Variants in SLC14A2 observed in about 807,000 individuals in gnomAD.
The protein encoded by SLC14A2 is urea transporter 2.
In SLC14A2, 91 loss-of-function variants were observed where a neutral mutation model predicts 104.6. That is an observed-to-expected ratio of 0.87 (90% confidence interval 0.73 to 1.04). The LOEUF is 1.04. SLC14A2 is among the 50% of genes least tolerant of loss of function. The probability of loss-of-function intolerance (pLI) is 0.00; values close to 1 mark genes in which losing one functional copy is unlikely to be tolerated. For synonymous variants in SLC14A2, 476 were observed against 466.4 expected, an observed-to-expected ratio of 1.02 and a Z score of -0.27; for missense variants, 1,189 against 1,156.0, an observed-to-expected ratio of 1.03 and a Z score of -0.41.
intron 1 of SLC14A2, among the ~76,000 whole-genome samples, chr18:45,459,619 C>G (rs900723239): frequency 6.6e-6 from 1 of 152,200 alleles, no homozygotes; most frequent in Non-Finnish European, 1.5e-5. Context: ...CTGCTATTCC[C>G]GGGGCCTCGC....
At chr18:45,489,759 A>T (rs745727949) in intron 2 of SLC14A2, 1 of 152,224 alleles carries the variant, frequency 6.6e-6, no homozygotes, top group Non-Finnish European at 1.5e-5. Context: ...GACAGAAAGG[A>T]GTGTCACAAA....
At chr18:45,480,857 A>AT (rs1288796010) in intron 1 of SLC14A2, among the ~76,000 whole-genome samples, 1 of 152,166 alleles carries the variant, frequency 6.6e-6, no homozygotes, top group Non-Finnish European at 1.5e-5. Flanking sequence ...TTAATGCTTA[A>AT]TTTTTAAAAA....
At chr18:45,380,087 C>A (rs868136769) in intron 1 of SLC14A2, among the ~76,000 whole-genome samples, 4 of 152,294 alleles carry the variant, frequency 2.6e-5, no homozygotes, top group East Asian at 1.9e-4. Flanking sequence ...ACCCTAGTAC[C>A]TTTTAACTAT....
chr18:45,554,294 G>A (rs562089623), intron 2 of SLC14A2, among the ~76,000 whole-genome samples: 1 of 152,284 alleles, frequency 6.6e-6, no homozygotes, highest in East Asian at 1.9e-4. Context: ...AAGGGAGTTG[G>A]GGGGAAGAAG....
At chr18:45,625,643 A>G in intron 2 of SLC14A2, 40 bp from the exon 3 acceptor site, 1 of 1,485,280 alleles carries the variant, frequency 6.7e-7, no homozygotes, top group South Asian at 1.4e-5. Context: ...TGCTCTCAGA[A>G]AGCTGTATCA....
chr18:45,399,270 A>G (rs2612559), intron 1 of SLC14A2, among the ~76,000 whole-genome samples: 38,340 of 152,028 alleles, frequency 0.25, 5,072 homozygotes, highest in South Asian at 0.43. Flanking sequence ...TTTAAAGATA[A>G]CCTTGGACTT....
intron 2 of SLC14A2, among the ~76,000 whole-genome samples, chr18:45,587,395 C>G (rs549786950): frequency 2.6e-5 from 4 of 152,290 alleles, no homozygotes; most frequent in African/African-American, 9.6e-5. Flanking sequence ...GGTTGAGAAC[C>G]CCGTTCCAGG....
chr18:45,556,867 C>T (rs1412218904), intron 2 of SLC14A2, among the ~76,000 whole-genome samples: 1 of 152,184 alleles, frequency 6.6e-6, no homozygotes, highest in Non-Finnish European at 1.5e-5. Flanking sequence ...TCCTGAGACA[C>T]ACCACTCTTA....
At chr18:45,278,889 T>C (rs931736252) in intron 1 of SLC14A2, among the ~76,000 whole-genome samples, 1 of 152,212 alleles carries the variant, frequency 6.6e-6, no homozygotes, top group Non-Finnish European at 1.5e-5. Flanking sequence ...AACTGGTGCT[T>C]ACCACTGCAC....
intron 1 of SLC14A2, among the ~76,000 whole-genome samples, chr18:45,334,708 T>G (rs2085321983): frequency 6.6e-6 from 1 of 152,232 alleles, no homozygotes; most frequent in Non-Finnish European, 1.5e-5. Context: ...CTCTGTGTCC[T>G]GGAGTTGTCC....
At chr18:45,501,208 A>G (rs1039261324) in intron 2 of SLC14A2, among the ~76,000 whole-genome samples, 1 of 152,178 alleles carries the variant, frequency 6.6e-6, no homozygotes, top group Non-Finnish European at 1.5e-5. Flanking sequence ...ATGCCAGACT[A>G]TTTTGACTCT....
chr18:45,384,376 T>C (rs2085871466), intron 1 of SLC14A2, among the ~76,000 whole-genome samples: 1 of 152,156 alleles, frequency 6.6e-6, no homozygotes, highest in South Asian at 2.1e-4. Context: ...ACAAATTCTC[T>C]TGCTGTAAAA....
At chr18:45,226,560 A>G (rs1034043220) in intron 1 of SLC14A2, among the ~76,000 whole-genome samples, 6 of 151,850 alleles carry the variant, frequency 4.0e-5, no homozygotes, top group African/African-American at 1.5e-4. Context: ...TGAGCAAACT[A>G]TCACAAGGAC....
chr18:45,565,488 A>G (rs1382601375), intron 2 of SLC14A2, among the ~76,000 whole-genome samples: 1 of 152,198 alleles, frequency 6.6e-6, no homozygotes, highest in Admixed American at 6.5e-5. Context: ...TGCACGTGTA[A>G]GCATGTGTAG....
At chr18:45,565,960 G>C (rs935750271) in intron 2 of SLC14A2, among the ~76,000 whole-genome samples, 5 of 152,228 alleles carry the variant, frequency 3.3e-5, no homozygotes, top group Admixed American at 2.6e-4. Flanking sequence ...AGGCACTAGA[G>C]TGTCAGGTGG....
intron 1 of SLC14A2, among the ~76,000 whole-genome samples, chr18:45,256,327 T>G (rs544211052): frequency 6.6e-6 from 1 of 152,256 alleles, no homozygotes; most frequent in South Asian, 2.1e-4. Context: ...AGCTAAATTG[T>G]GGGGAAAAAA....
chr18:45,187,969 C>T, the SLC14A2 span, among the ~76,000 whole-genome samples: 2 of 152,124 alleles, frequency 1.3e-5, no homozygotes, highest in South Asian at 4.1e-4. Flanking sequence ...TATATTGGGA[C>T]TTCAGGACTT....
intron 1 of SLC14A2, among the ~76,000 whole-genome samples, chr18:45,437,476 A>G (rs2086615424): frequency 6.6e-6 from 1 of 152,090 alleles, no homozygotes; most frequent in South Asian, 2.1e-4. Context: ...GCACCAGATC[A>G]CTGCACAGAG....
chr18:45,519,178 G>T (rs868533), intron 2 of SLC14A2, among the ~76,000 whole-genome samples: 37,716 of 151,994 alleles, frequency 0.25, 5,020 homozygotes, highest in South Asian at 0.34. Context: ...AAAAAATGTC[G>T]TCCATCTGCA....
Sources: gnomAD v4.1 joint callset for allele counts (sites outside exome capture counted in the v4.1 genomes callset) on GRCh38, gnomAD v4.1.1 for gene constraint, MANE v1.5 for transcripts, NCBI Gene and HGNC (gene_info 2026-07-23, HGNC 2026-07-21) for gene names.